Variants in PPP1R13B observed in about 807,000 individuals in gnomAD.
The protein encoded by PPP1R13B is apoptosis-stimulating of p53 protein 1.
In PPP1R13B, 44 loss-of-function variants were observed where a neutral mutation model predicts 119.8. That is an observed-to-expected ratio of 0.37 (90% confidence interval 0.29 to 0.47). PPP1R13B has a LOEUF of 0.47. PPP1R13B is among the 20% of genes least tolerant of loss of function. The probability of loss-of-function intolerance (pLI) is 0.99; values close to 1 mark genes in which losing one functional copy is unlikely to be tolerated. For synonymous variants in PPP1R13B, 542 were observed against 561.5 expected, an observed-to-expected ratio of 0.97 and a Z score of 0.49; for missense variants, 1,227 against 1,413.5, an observed-to-expected ratio of 0.87 and a Z score of 2.12.
chr14:103,791,527 C>T (rs1030637333), intron 2 of PPP1R13B, among the ~76,000 whole-genome samples: 6 of 152,178 alleles, frequency 3.9e-5, no homozygotes, highest in Admixed American at 3.3e-4. Context: ...GAATTCGAGA[C>T]CAGCCTGGCC....
chr14:103,771,769 C>A (rs901599861), intron 4 of PPP1R13B, among the ~76,000 whole-genome samples: 4 of 152,202 alleles, frequency 2.6e-5, no homozygotes, highest in Non-Finnish European at 4.4e-5. Context: ...GTGTGAGCCA[C>A]TGTGCCCGGC....
At chr14:103,797,274 T>A (rs1429955934) in intron 2 of PPP1R13B, 97 bp downstream of exon 2, 1 of 1,294,222 alleles carries the variant, frequency 7.7e-7, no homozygotes, top group African/African-American at 1.5e-5. Context: ...TTTTTCCCCA[T>A]CTTTATCAGA....
At chr14:103,772,388 T>G (rs2085092788) in intron 4 of PPP1R13B, among the ~76,000 whole-genome samples, 1 of 152,230 alleles carries the variant, frequency 6.6e-6, no homozygotes, top group African/African-American at 2.4e-5. Flanking sequence ...ATACAGTAGA[T>G]TTATGTTTAA....
chr14:103,757,532 C>G (rs1408300214), intron 5 of PPP1R13B, 118 bp downstream of exon 5: 20 of 855,560 alleles, frequency 2.3e-5, no homozygotes, highest in Non-Finnish European at 3.7e-6. Context: ...ATTTAGCACT[C>G]CTATGGCATG....
intron 1 of PPP1R13B, among the ~76,000 whole-genome samples, chr14:103,805,560 G>T (rs919003372): frequency 2.0e-5 from 3 of 151,728 alleles, no homozygotes; most frequent in African/African-American, 7.3e-5. Context: ...GACAGAGCGA[G>T]ATGCTGTCTC....
chr14:103,760,027 T>C (rs1198296767), intron 4 of PPP1R13B, among the ~76,000 whole-genome samples: 2 of 152,230 alleles, frequency 1.3e-5, no homozygotes, highest in Non-Finnish European at 2.9e-5. Flanking sequence ...AATAAATCAT[T>C]ATGTACAGCT....
intron 3 of PPP1R13B, among the ~76,000 whole-genome samples, chr14:103,780,197 A>G (rs1451983290): frequency 2.1e-5 from 3 of 146,186 alleles, no homozygotes; most frequent in East Asian, 4.2e-4. Flanking sequence ...AGGCATTTGC[A>G]TTTTAGGGCC....
rs1019991769 is a variant in PPP1R13B at position 103,738,227 on chromosome 14, A to G, written c.2865-367T>C. Among the ~76,000 whole-genome samples, 3 of 152,208 alleles carry G rather than the reference A, an allele frequency of 2.0e-5. No individual in the cohort carries two copies. Among genetic ancestry groups the G allele is most frequent in the African/African-American group, 4.8e-5 (2 of 41,442 alleles). ...ATGCAGCACAATGTCAGCTGTCTGAAAGTTCAAAATAACCCCCACAGGAGA... is the reference window on the plus strand; with the variant it reads ...ATGCAGCACAATGTCAGCTGTCTGAGAGTTCAAAATAACCCCCACAGGAGA... On this transcript the variant is annotated intron_variant, in intron 14 of 16. Coordinates refer to ENST00000202556, the MANE Select transcript of PPP1R13B (RefSeq NM_015316.3). The surrounding 1 kb of genome is among the most constrained non-coding windows in gnomAD (Gnocchi z 5.6).
intron 1 of PPP1R13B, among the ~76,000 whole-genome samples, chr14:103,809,029 AT>A (rs1014255972): frequency 3.3e-5 from 5 of 151,780 alleles, no homozygotes; most frequent in Non-Finnish European, 7.4e-5. Flanking sequence ...ACCACAGCTA[AT>A]TTTTTTTATT....
intron 1 of PPP1R13B, among the ~76,000 whole-genome samples, chr14:103,844,010 T>A (rs1595853662): frequency 1.3e-5 from 2 of 150,904 alleles, no homozygotes; most frequent in East Asian, 3.9e-4. Context: ...CTCACACCTG[T>A]AATCCCAGCA....
rs2084031868 is a variant in PPP1R13B, at chr14:103,734,271, C to CCAAA, written c.*879_*882dup. On this transcript the variant is annotated 3_prime_UTR_variant, in exon 17 of 17. Transcript: ENST00000202556. ...CCAGGCGTCTGCCATCCTTCAGGCA[C>CCAAA]CAAACAGCCCCGTCTACCTGGCCCT... The CCAAA allele has an allele frequency of 6.5e-6, 2 of 309,840 alleles. No individual in the cohort carries two copies. Among genetic ancestry groups the CCAAA allele is most frequent in the Admixed American group, 7.8e-5 (2 of 25,532 alleles). The allele number at this position is 309,840 out of a possible 1,614,324, so 19.2% of individuals were successfully genotyped here.
At chr14:103,751,425 T>C (rs1190113079) in intron 7 of PPP1R13B, among the ~76,000 whole-genome samples, 1 of 152,234 alleles carries the variant, frequency 6.6e-6, no homozygotes, top group Non-Finnish European at 1.5e-5. Flanking sequence ...TGATGTAATA[T>C]TTTTTCTAGC....
intron 1 of PPP1R13B, among the ~76,000 whole-genome samples, chr14:103,843,278 G>T (rs2086950607): frequency 6.6e-6 from 1 of 152,024 alleles, no homozygotes; most frequent in African/African-American, 2.4e-5. Context: ...GGAGGCTGGG[G>T]CACGAGAATC....
intron 4 of PPP1R13B, among the ~76,000 whole-genome samples, chr14:103,766,093 C>T (rs954100733): frequency 1.3e-5 from 2 of 151,672 alleles, no homozygotes; most frequent in Non-Finnish European, 2.9e-5. Context: ...ACTGCAACCT[C>T]CACCTCCTGG....
chr14:103,826,959 C>T (rs1424126060), intron 1 of PPP1R13B, among the ~76,000 whole-genome samples: 37 of 150,908 alleles, frequency 2.5e-4, no homozygotes, highest in Non-Finnish European at 4.1e-4. Flanking sequence ...TTGCAGTGAG[C>T]GGAGATCATG....
At chr14:103,848,089 C>A (rs2087114749), upstream of PPP1R13B, among the ~76,000 whole-genome samples, 1 of 151,946 alleles carries the variant, frequency 6.6e-6, no homozygotes, top group African/African-American at 2.4e-5. Flanking sequence ...GAGCATGTGA[C>A]CCGAGGCCGC....
chr14:103,741,417 C>T (rs1376619253), intron 11 of PPP1R13B, among the ~76,000 whole-genome samples: 1 of 152,212 alleles, frequency 6.6e-6, no homozygotes, highest in Non-Finnish European at 1.5e-5. Context: ...TCAGCCACTA[C>T]CAGGAGGGCC....
rs750570947 is a variant in PPP1R13B, at chr14:103,788,690, C to CA, written c.158-3777dup. On this transcript the variant is annotated intron_variant, in intron 2 of 16. Transcript: ENST00000202556. ...AGACCCTGTCTCAAAACAATCAAAG[C>CA]AAAAAAAAAAAAAAGTTTCTCCTCT... Among the ~76,000 whole-genome samples, 444 of 112,004 alleles carry CA rather than the reference C, an allele frequency of 4.0e-3. 1 individual carries two copies. Among genetic ancestry groups the CA allele is most frequent in the East Asian group, 5.8e-3 (24 of 4,154 alleles). 73.5% of individuals were successfully genotyped at this position (112,004 alleles called of 152,430 possible).
chr14:103,827,359 G>A (rs1232848408), intron 1 of PPP1R13B, among the ~76,000 whole-genome samples: 1 of 152,064 alleles, frequency 6.6e-6, no homozygotes, highest in Non-Finnish European at 1.5e-5. Flanking sequence ...GATACTTTTT[G>A]GGGTGGAGAG....
Sources: gnomAD v4.1 joint callset for allele counts (sites outside exome capture counted in the v4.1 genomes callset) on GRCh38, gnomAD v4.1.1 for gene constraint, Gnocchi (gnomAD v3.1) non-coding constraint, MANE v1.5 for transcripts, NCBI Gene and HGNC (gene_info 2026-07-23, HGNC 2026-07-21) for gene names.